Variants in FMN1 observed in about 807,000 individuals in gnomAD.
FMN1 encodes the protein formin 1.
In FMN1, 110 loss-of-function variants were observed where a neutral mutation model predicts 132.4. The ratio of observed to expected loss-of-function variants is 0.83; its 90% CI spans 0.71 to 0.97. The LOEUF is 0.97. FMN1 is among the 50% of genes least tolerant of loss of function. The probability of loss-of-function intolerance (pLI) is 0.00; values close to 1 mark genes in which losing one functional copy is unlikely to be tolerated. For synonymous variants in FMN1, 722 were observed against 651.7 expected, an observed-to-expected ratio of 1.11 and a Z score of -1.64; for missense variants, 1,792 against 1,705.3, an observed-to-expected ratio of 1.05 and a Z score of -0.90.
intron 15 of FMN1, among the ~76,000 whole-genome samples, chr15:32,889,834 C>G (rs369310972): frequency 4.6e-5 from 7 of 152,100 alleles, no homozygotes; most frequent in African/African-American, 1.4e-4. Context: ...TGAGTAAGTT[C>G]TTTAGTGGTG....
chr15:33,143,558 T>C (rs1440843496), intron 4 of FMN1, among the ~76,000 whole-genome samples: 3 of 152,104 alleles, frequency 2.0e-5, no homozygotes, highest in Admixed American at 1.3e-4. Flanking sequence ...TTTTGAAGTG[T>C]TCTATCACTA....
At chr15:33,014,358 G>C (rs1376952465) in intron 6 of FMN1, among the ~76,000 whole-genome samples, 1 of 152,194 alleles carries the variant, frequency 6.6e-6, no homozygotes, top group South Asian at 2.1e-4. Context: ...GACCAAGGAT[G>C]TGTGTATTTG....
At chr15:33,178,053 G>T (rs1205154828) in intron 3 of FMN1, among the ~76,000 whole-genome samples, 1 of 152,062 alleles carries the variant, frequency 6.6e-6, no homozygotes, top group Non-Finnish European at 1.5e-5. Context: ...CGGGCAGGAA[G>T]AAGCCAATCC....
intron 9 of FMN1, among the ~76,000 whole-genome samples, chr15:32,941,128 T>G (rs2061392319): frequency 6.6e-6 from 1 of 152,182 alleles, no homozygotes; most frequent in Admixed American, 6.5e-5. Flanking sequence ...ATAATTATTT[T>G]CCATGTTTAC....
rs1325590833 is a variant in FMN1, at chr15:32,798,169, A to G, written c.4130+635T>C. Among the ~76,000 whole-genome samples the G allele has an allele frequency of 1.5e-4, 20 of 132,766 alleles. No individual in the cohort carries two copies. In the Admixed American group the frequency reaches 1.6e-3, roughly 11 times the overall value. The allele number at this position is 132,766 out of a possible 152,430, so 87.1% of individuals were successfully genotyped here. Reference sequence around the variant, plus strand: ...AAATAGGGGCAAATTCAATCTCTCTAAGGAAAACGCACACACACACACACA... The same window carrying G: ...AAATAGGGGCAAATTCAATCTCTCTGAGGAAAACGCACACACACACACACA... On this transcript the variant is annotated intron_variant, in intron 19 of 20. Transcript: ENST00000616417.
chr15:32,913,147 G>T (rs1331299872), intron 10 of FMN1, among the ~76,000 whole-genome samples: 1 of 151,986 alleles, frequency 6.6e-6, no homozygotes, highest in Non-Finnish European at 1.5e-5. Flanking sequence ...CCCCACTCAA[G>T]ACCCAACTTC....
intron 17 of FMN1, among the ~76,000 whole-genome samples, chr15:32,852,597 C>T (rs2059033207): frequency 6.6e-6 from 1 of 152,132 alleles, no homozygotes; most frequent in East Asian, 1.9e-4. Flanking sequence ...AAACTCCTGG[C>T]CTCAAGTGAT....
intron 7 of FMN1, among the ~76,000 whole-genome samples, chr15:33,000,093 T>C (rs74012450): frequency 0.019 from 2,830 of 152,236 alleles, 80 homozygotes; most frequent in African/African-American, 0.061. Flanking sequence ...CAGAGGCAAG[T>C]AGATGGACTA....
At chr15:33,127,855 G>A (rs1963248830) in intron 4 of FMN1, among the ~76,000 whole-genome samples, 1 of 152,214 alleles carries the variant, frequency 6.6e-6, no homozygotes, top group Non-Finnish European at 1.5e-5. Flanking sequence ...TAAGAGAGAA[G>A]TGAGACAGTG....
At chr15:33,149,584 G>T (rs1171355045) in intron 4 of FMN1, among the ~76,000 whole-genome samples, 2 of 152,068 alleles carry the variant, frequency 1.3e-5, no homozygotes, top group African/African-American at 4.8e-5. Context: ...TTTTAATTGG[G>T]ATCCTATTAC....
chr15:33,088,169 T>G (rs529939098), intron 5 of FMN1, among the ~76,000 whole-genome samples: 1 of 152,100 alleles, frequency 6.6e-6, no homozygotes, highest in African/African-American at 2.4e-5. Context: ...AACTTATTCA[T>G]GTAACCAAAC....
chr15:33,158,870 G>A (rs1964781791), intron 3 of FMN1, among the ~76,000 whole-genome samples: 1 of 152,182 alleles, frequency 6.6e-6, no homozygotes, highest in South Asian at 2.1e-4. Context: ...CAATGTGATG[G>A]AGAAGAGATG....
At chr15:32,777,385 AAAATAT>A (rs1294633314) in intron 19 of FMN1, among the ~76,000 whole-genome samples, 3 of 150,166 alleles carry the variant, frequency 2.0e-5, no homozygotes, top group Non-Finnish European at 3.0e-5. Context: ...ACGGAATGGG[AAAATAT>A]AAATATATGT....
At chr15:32,943,117 T>G (rs1417905700) in intron 9 of FMN1, among the ~76,000 whole-genome samples, 1 of 152,194 alleles carries the variant, frequency 6.6e-6, no homozygotes, top group Non-Finnish European at 1.5e-5. Context: ...AGATTTGGAA[T>G]GCTCAACTGG....
chr15:32,796,745 C>T (rs2057302837), intron 19 of FMN1, among the ~76,000 whole-genome samples: 1 of 152,040 alleles, frequency 6.6e-6, no homozygotes, highest in African/African-American at 2.4e-5. Flanking sequence ...TTAAGAAAAC[C>T]CTGGATATCA....
intron 9 of FMN1, among the ~76,000 whole-genome samples, chr15:32,938,872 T>C (rs1032128434): frequency 4.6e-5 from 7 of 152,244 alleles, no homozygotes; most frequent in African/African-American, 1.7e-4. Context: ...ATATTGTTTT[T>C]GCTATATTTT....
At chr15:32,914,863 A>C (rs1272175435) in intron 10 of FMN1, among the ~76,000 whole-genome samples, 2 of 152,352 alleles carry the variant, frequency 1.3e-5, no homozygotes, top group Admixed American at 6.5e-5. Context: ...AGAGGTGAGC[A>C]TGACTACTGA....
At chr15:32,995,235 C>A (rs1003414627) in intron 7 of FMN1, among the ~76,000 whole-genome samples, 1 of 152,068 alleles carries the variant, frequency 6.6e-6, no homozygotes, top group Non-Finnish European at 1.5e-5. Context: ...TACATAGACA[C>A]CTGTAACAGC....
At chr15:32,823,672 G>A (rs189118736) in intron 17 of FMN1, among the ~76,000 whole-genome samples, 2 of 152,284 alleles carry the variant, frequency 1.3e-5, no homozygotes, top group African/African-American at 2.4e-5. Context: ...AAATGCTAAA[G>A]TAGCAATTTT....
Sources: gnomAD v4.1 joint callset for allele counts (sites outside exome capture counted in the v4.1 genomes callset) on GRCh38, gnomAD v4.1.1 for gene constraint, MANE v1.5 for transcripts, NCBI Gene and HGNC (gene_info 2026-07-23, HGNC 2026-07-21) for gene names.